GRM3: variants seen among roughly 807,000 people sequenced by gnomAD.
GRM3 encodes the protein glutamate metabotropic receptor 3.
Under a neutral mutation model 70.5 loss-of-function variants are expected in GRM3, and 26 were observed. The observed-to-expected ratio is 0.37, with a 90% CI of 0.27 to 0.51. The LOEUF (loss-of-function observed/expected upper bound fraction) is 0.51, where lower values mean the gene tolerates loss of function less well. Ranked by LOEUF, GRM3 falls within the 20% of genes least tolerant of loss-of-function variation. The probability of loss-of-function intolerance (pLI) is 0.93; values close to 1 mark genes in which losing one functional copy is unlikely to be tolerated. For synonymous variants in GRM3, 443 were observed against 434.9 expected (o/e 1.02, Z -0.23); for missense variants, 859 against 1,123.8 (o/e 0.76, Z 3.37).
intron 1 of GRM3, among the ~76,000 whole-genome samples, chr7:86,749,164 A>G (rs1796172790): frequency 6.6e-6 from 1 of 152,080 alleles, no homozygotes; most frequent in Non-Finnish European, 1.5e-5. Flanking sequence ...TAGTTTTTCT[A>G]GCTAATAAAA....
chr7:86,649,269 G>T (rs921122194), intron 1 of GRM3, among the ~76,000 whole-genome samples: 6 of 152,096 alleles, frequency 3.9e-5, no homozygotes, highest in African/African-American at 1.4e-4. Context: ...TCTTGGTATA[G>T]AAAATGTAGG....
chr7:86,748,424 T>G (rs1338881341), intron 1 of GRM3, among the ~76,000 whole-genome samples: 1 of 152,008 alleles, frequency 6.6e-6, no homozygotes, highest in Non-Finnish European at 1.5e-5. Flanking sequence ...GCACAATATG[T>G]TACATCCACA....
intron 5 of GRM3, among the ~76,000 whole-genome samples, chr7:86,863,048 CA>C (rs1341240535): frequency 6.6e-6 from 1 of 152,088 alleles, no homozygotes; most frequent in African/African-American, 2.4e-5. Context: ...AGAGTATATA[CA>C]AATAGACAGG....
At chr7:86,682,382 C>T (rs1377062319) in intron 1 of GRM3, among the ~76,000 whole-genome samples, 1 of 151,990 alleles carries the variant, frequency 6.6e-6, no homozygotes, top group Non-Finnish European at 1.5e-5. Context: ...ACTAAATAAT[C>T]CAGCTTGTAG....
chr7:86,846,356 T>C (rs1224409961), intron 4 of GRM3, among the ~76,000 whole-genome samples: 1 of 152,204 alleles, frequency 6.6e-6, no homozygotes, highest in Non-Finnish European at 1.5e-5. Flanking sequence ...CAAGCGTATG[T>C]GTCTTGTTGT....
intron 1 of GRM3, among the ~76,000 whole-genome samples, chr7:86,689,949 T>C (rs955178084): frequency 3.9e-5 from 6 of 152,182 alleles, no homozygotes; most frequent in Admixed American, 6.6e-5. Flanking sequence ...CACCCATTCC[T>C]TCAGCAATCA....
chr7:86,781,132 G>T lies in GRM3; in HGVS notation c.469-5129G>T, dbSNP rs529640590. ...ATGGTAGTATCTACATCATAAGAAT[G>T]CCCTGAGGATTAAATGAGAAAACAC... On this transcript the variant is annotated intron_variant, in intron 2 of 5. Coordinates refer to ENST00000361669, the MANE Select transcript of GRM3 (RefSeq NM_000840.3). Among the ~76,000 whole-genome samples the T allele has an allele frequency of 2.6e-5, 4 of 152,128 alleles. No individual in the cohort carries two copies. The East Asian group carries it at 7.7e-4, about 29-fold the overall frequency.
chr7:86,814,279 T>C (rs1283752492), intron 3 of GRM3, among the ~76,000 whole-genome samples: 2 of 151,804 alleles, frequency 1.3e-5, no homozygotes, highest in Non-Finnish European at 2.9e-5. Flanking sequence ...CCGGTGGTAT[T>C]TGGTAAGTTC....
chr7:86,764,278 T>C (rs1434645869), intron 1 of GRM3, among the ~76,000 whole-genome samples: 3 of 152,078 alleles, frequency 2.0e-5, no homozygotes, highest in Non-Finnish European at 2.9e-5. Context: ...TGAGATGTTG[T>C]CAAGATGAAG....
intron 1 of GRM3, among the ~76,000 whole-genome samples, chr7:86,749,157 T>C (rs909416184): frequency 6.6e-6 from 1 of 152,092 alleles, no homozygotes; most frequent in Non-Finnish European, 1.5e-5. Flanking sequence ...ACTGGCATAG[T>C]TTTTCTAGCT....
At chr7:86,686,557 T>A (rs1794573369) in intron 1 of GRM3, among the ~76,000 whole-genome samples, 1 of 152,226 alleles carries the variant, frequency 6.6e-6, no homozygotes, top group Admixed American at 6.5e-5. Flanking sequence ...AAGCTTTGAG[T>A]TGAGAGTCTA....
At chr7:86,662,780 T>C (rs1224913797) in intron 1 of GRM3, among the ~76,000 whole-genome samples, 2 of 151,986 alleles carry the variant, frequency 1.3e-5, no homozygotes, top group East Asian at 3.9e-4. Flanking sequence ...TGTCCAAACA[T>C]GTTTGAACTT....
chr7:86,676,024 G>A (rs544722081), intron 1 of GRM3, among the ~76,000 whole-genome samples: 16 of 151,784 alleles, frequency 1.1e-4, no homozygotes, highest in African/African-American at 3.9e-4. Context: ...TCAAAAGAAG[G>A]AAATGATTGT....
At chr7:86,751,628 A>G (rs1415278571) in intron 1 of GRM3, among the ~76,000 whole-genome samples, 1 of 152,042 alleles carries the variant, frequency 6.6e-6, no homozygotes, top group Non-Finnish European at 1.5e-5. Flanking sequence ...TTCTCTTCCC[A>G]TGCAGCCTAA....
At chr7:86,742,956 G>A (rs1244606279) in intron 1 of GRM3, among the ~76,000 whole-genome samples, 1 of 152,088 alleles carries the variant, frequency 6.6e-6, no homozygotes, top group Non-Finnish European at 1.5e-5. Context: ...AGCAATAGGA[G>A]ATTCATATTA....
At chr7:86,836,275 G>C (rs1173006694) in intron 3 of GRM3, among the ~76,000 whole-genome samples, 1 of 152,052 alleles carries the variant, frequency 6.6e-6, no homozygotes, top group Non-Finnish European at 1.5e-5. Flanking sequence ...TGACCCAACA[G>C]TTTTTCTTCT....
chr7:86,749,620 G>A lies in GRM3; in HGVS notation c.-140-15386G>A, dbSNP rs113080919. Among the ~76,000 whole-genome samples the A allele has an allele frequency of 2.9e-3, 442 of 152,076 alleles. 13 individuals are homozygous for A. In the East Asian group the frequency reaches 0.063, roughly 22 times the overall value. On this transcript the variant is annotated intron_variant, in intron 1 of 5. Coordinates refer to ENST00000361669, the MANE Select transcript of GRM3 (RefSeq NM_000840.3). ...CTAGGCAGGATCATTTCTAAGTGTC[G>A]TGACCTAGAAGAAAAGTTCTCCTGA...
chr7:86,864,611 G>A lies in GRM3; in HGVS notation c.*256G>A, dbSNP rs1262752759. 1.7e-5 allele frequency: 4 copies of A among 241,870 alleles called. No homozygotes were observed. The East Asian group carries it at 2.8e-4, about 17-fold the overall frequency. 15.0% of individuals were successfully genotyped at this position (241,870 alleles called of 1,614,324 possible). On this transcript the variant is annotated 3_prime_UTR_variant, in exon 6 of 6. Coordinates refer to ENST00000361669, the MANE Select transcript of GRM3 (RefSeq NM_000840.3). ...TACAGAGCTGAGCATTGGTGACAGG[G>A]TCTGACATGGTCAGTCTACTAAAAA...
intron 1 of GRM3, among the ~76,000 whole-genome samples, chr7:86,675,875 A>C (rs1282696984): frequency 6.6e-6 from 1 of 152,090 alleles, no homozygotes; most frequent in Non-Finnish European, 1.5e-5. Context: ...AATAATTCAC[A>C]GTGTAGACTT....
Sources: allele counts gnomAD v4.1 joint callset (sites outside exome capture counted in the v4.1 genomes callset), GRCh38; gene constraint gnomAD v4.1.1; transcripts MANE v1.5; gene names NCBI Gene and HGNC (gene_info 2026-07-23, HGNC 2026-07-21).